CXCL13: variants seen among roughly 807,000 people sequenced by gnomAD.
The protein encoded by CXCL13 is C-X-C motif chemokine ligand 13.
CXCL13 carries 7 observed loss-of-function variants against 12.2 expected under a neutral mutation model. The observed-to-expected ratio is 0.57, with a 90% CI of 0.33 to 1.07. CXCL13 has a LOEUF of 1.07. Among genes scored for constraint, CXCL13 ranks in the 50% least tolerant of loss-of-function variants. The probability of loss-of-function intolerance (pLI) is 0.04; values close to 1 mark genes in which losing one functional copy is unlikely to be tolerated. For synonymous variants in CXCL13, 47 were observed against 42.4 expected (o/e 1.11, Z -0.42); for missense variants, 113 against 127.4 (o/e 0.89, Z 0.55).
intron 1 of CXCL13, among the ~76,000 whole-genome samples, chr4:77,585,055 C>T (rs911530764): frequency 5.3e-5 from 8 of 152,290 alleles, no homozygotes; most frequent in Middle Eastern, 3.4e-3. Flanking sequence ...GAGCTCATGA[C>T]TACTTGCAAG....
chr4:77,575,447 GCC>G lies in CXCL13; in HGVS notation c.-42-30373_-42-30372del, dbSNP rs368677744. On this transcript the variant is annotated intron_variant, in intron 1 of 4. Transcript: ENST00000286758. ...TTCTCCTAACGCTATCCCTCCCCCA[GCC>G]CCCTACCCCTCAACAGGCCCTGATG... Among the ~76,000 whole-genome samples the G allele has an allele frequency of 2.8e-4, 43 of 151,372 alleles. No homozygotes were observed. In the East Asian group the frequency reaches 6.2e-3, roughly 22 times the overall value.
At chr4:77,580,439 GC>G (rs1326156577) in intron 1 of CXCL13, among the ~76,000 whole-genome samples, 1 of 141,374 alleles carries the variant, frequency 7.1e-6, no homozygotes, top group Non-Finnish European at 1.5e-5. Context: ...CAATTCTTCT[GC>G]CTCAGCCTCC....
At chr4:77,602,360 C>G (rs1249028036), upstream of CXCL13, among the ~76,000 whole-genome samples, 1 of 152,184 alleles carries the variant, frequency 6.6e-6, no homozygotes, top group Non-Finnish European at 1.5e-5. Context: ...GAGGAAATGT[C>G]TTGTCCAAAC....
At chr4:77,562,884 A>G (rs1418987268) in intron 1 of CXCL13, among the ~76,000 whole-genome samples, 5 of 152,170 alleles carry the variant, frequency 3.3e-5, no homozygotes, top group Non-Finnish European at 7.4e-5. Flanking sequence ...GCTCTCTGTA[A>G]AATGGATCAA....
chr4:77,540,727 A>T (rs951980600), intron 1 of CXCL13, among the ~76,000 whole-genome samples: 2 of 152,206 alleles, frequency 1.3e-5, no homozygotes, highest in East Asian at 1.9e-4. Context: ...TGTGATGAAC[A>T]TGCAAGTGCG....
chr4:77,576,848 G>A (rs552803866), intron 1 of CXCL13, among the ~76,000 whole-genome samples: 244 of 152,246 alleles, frequency 1.6e-3, no homozygotes, highest in African/African-American at 5.5e-3. Context: ...AAACAACTCC[G>A]TCCTATCATG....
At position 77,582,628 on chromosome 4, in the gene CXCL13, G is replaced by A. The variant is rs541668850; in HGVS notation, c.-42-23196G>A. ...AAAGATGAGTCTAGATAAATCAGACGGGATCTTGCAGGTCATGGTAAGAGG... is the reference window on the plus strand; with the variant it reads ...AAAGATGAGTCTAGATAAATCAGACAGGATCTTGCAGGTCATGGTAAGAGG... On this transcript the variant is annotated intron_variant, in intron 1 of 4. Coordinates refer to the CXCL13 transcript ENST00000286758. 8.5e-5 allele frequency among the ~76,000 whole-genome samples: 13 copies of A among 152,274 alleles called. No individual in the cohort carries two copies. The East Asian group carries it at 9.6e-4, about 11-fold the overall frequency.
intron 1 of CXCL13, among the ~76,000 whole-genome samples, chr4:77,559,905 G>A (rs1392723527): frequency 7.2e-6 from 1 of 138,210 alleles, no homozygotes; most frequent in Admixed American, 7.3e-5. Flanking sequence ...CTGGGTGAGA[G>A]AGCGAGACTC....
chr4:77,515,464 G>A (rs1010551282), intron 1 of CXCL13, among the ~76,000 whole-genome samples: 2 of 152,138 alleles, frequency 1.3e-5, no homozygotes, highest in East Asian at 3.9e-4. Flanking sequence ...TCATTTGTTT[G>A]TATCCTCTTT....
chr4:77,529,887 A>G (rs1266868312), intron 1 of CXCL13, among the ~76,000 whole-genome samples: 1 of 152,176 alleles, frequency 6.6e-6, no homozygotes, highest in African/African-American at 2.4e-5. Context: ...GTTTTCACCC[A>G]TTCAGTATGA....
At chr4:77,530,376 G>C (rs548093762) in intron 1 of CXCL13, among the ~76,000 whole-genome samples, 7 of 152,136 alleles carry the variant, frequency 4.6e-5, no homozygotes, top group Non-Finnish European at 1.0e-4. Context: ...TGTACCTCTG[G>C]TAGAACTCGG....
intron 1 of CXCL13, among the ~76,000 whole-genome samples, chr4:77,559,473 G>A (rs775645574): frequency 6.6e-5 from 10 of 152,158 alleles, no homozygotes; most frequent in African/African-American, 1.2e-4. Context: ...GTCTTCACCT[G>A]GAGGCACTCC....
At chr4:77,515,627 A>C (rs1396470721) in intron 1 of CXCL13, among the ~76,000 whole-genome samples, 1 of 152,104 alleles carries the variant, frequency 6.6e-6, no homozygotes, top group Non-Finnish European at 1.5e-5. Context: ...TTGGTGTATA[A>C]GAATGCTTGT....
chr4:77,562,839 C>T (rs894883673), intron 1 of CXCL13, among the ~76,000 whole-genome samples: 4 of 152,120 alleles, frequency 2.6e-5, no homozygotes, highest in Admixed American at 6.6e-5. Flanking sequence ...TCTGTCAAAA[C>T]GGACCAATCA....
chr4:77,571,236 C>T (rs1726071385), intron 1 of CXCL13, among the ~76,000 whole-genome samples: 2 of 151,812 alleles, frequency 1.3e-5, no homozygotes, highest in African/African-American at 4.9e-5. Flanking sequence ...AGTCAACACT[C>T]TGTATCTAGC....
chr4:77,542,834 T>C (rs1458182012), intron 1 of CXCL13, among the ~76,000 whole-genome samples: 1 of 152,164 alleles, frequency 6.6e-6, no homozygotes, highest in Non-Finnish European at 1.5e-5. Context: ...TCTTTCTTTG[T>C]TGTGCCTTTG....
intron 1 of CXCL13, among the ~76,000 whole-genome samples, chr4:77,515,245 C>T (rs1724385977): frequency 1.3e-5 from 2 of 152,158 alleles, no homozygotes; most frequent in Admixed American, 1.3e-4. Context: ...TAGCGTGATG[C>T]CTCCAGCTTT....
intron 1 of CXCL13, among the ~76,000 whole-genome samples, chr4:77,543,863 C>T (rs1342102246): frequency 6.6e-6 from 1 of 152,070 alleles, no homozygotes; most frequent in Non-Finnish European, 1.5e-5. Flanking sequence ...TCGTCATTTA[C>T]ATTAGGTATT....
chr4:77,519,888 C>T (rs897873573), intron 1 of CXCL13, among the ~76,000 whole-genome samples: 28 of 152,132 alleles, frequency 1.8e-4, no homozygotes, highest in Non-Finnish European at 2.8e-4. Flanking sequence ...AATTAATTTT[C>T]GTATAAGGTG....
Sources: gnomAD v4.1 joint callset for allele counts (sites outside exome capture counted in the v4.1 genomes callset) on GRCh38, gnomAD v4.1.1 for gene constraint, MANE v1.5 for transcripts, NCBI Gene and HGNC (gene_info 2026-07-23, HGNC 2026-07-21) for gene names.